BAG6: variants seen among roughly 807,000 people sequenced by gnomAD.
BAG6 encodes the protein BAG cochaperone 6.
BAG6 carries 22 observed loss-of-function variants against 121.0 expected under a neutral mutation model. The ratio of observed to expected loss-of-function variants is 0.18; its 90% CI spans 0.13 to 0.26. The LOEUF is 0.26. Ranked by LOEUF, BAG6 falls within the 10% of genes least tolerant of loss-of-function variation. The pLI is 1.00. For synonymous variants in BAG6, 583 were observed against 584.6 expected, an observed-to-expected ratio of 1.00 and a Z score of 0.04; for missense variants, 1,233 against 1,537.7, an observed-to-expected ratio of 0.80 and a Z score of 3.31.
intron 2 of BAG6, 85 bp from the exon 3 acceptor site, chr6:31,649,712 G>C: frequency 8.4e-7 from 1 of 1,187,794 alleles, no homozygotes; most frequent in Admixed American, 1.7e-5. Context: ...TGGAGGTGAG[G>C]GGTAAAAACC....
Position 31,643,984 on chromosome 6 carries a change from A to C in BAG6, c.1669-7T>G. 1 of 1,614,092 alleles carries C rather than the reference A, an allele frequency of 6.2e-7. No individual in the cohort carries two copies. Among genetic ancestry groups the C allele is most frequent in the Non-Finnish European group, 8.5e-7 (1 of 1,179,972 alleles). On this transcript the variant is annotated splice_region_variant and splice_polypyrimidine_tract_variant and intron_variant, in intron 13 of 25. Transcript: ENST00000676615. ...TACCCAGACCGGCGCCCTGCTGGATAGAGAGCAAGGGAGAATTTCAGACCT... is the reference window on the plus strand; with the variant it reads ...TACCCAGACCGGCGCCCTGCTGGATCGAGAGCAAGGGAGAATTTCAGACCT...
intron 15 of BAG6, 38 bp downstream of exon 15, chr6:31,642,791 G>T (rs534660309): frequency 1.2e-6 from 2 of 1,601,626 alleles, no homozygotes; most frequent in Non-Finnish European, 1.7e-6. Context: ...TGGGCCGGGG[G>T]ACAGGAAGAT....
Position 31,648,691 on chromosome 6 carries a change from G to A in BAG6, c.538C>T (p.Leu180=). ...QHMIRDIQTL[L]SRMECRGGPQ... is the part of the protein sequence containing the mutation. The stretch of plus-strand genomic sequence containing the variant: ...TGCCCACTTACCTCCATCCGGGATA[G>A]TAAGGTCTGTATATCCCTGATCATG... Residue 180 remains leucine (L), a synonymous_variant, in exon 6 of 26, where the codon CTA becomes TTA. Coordinates refer to ENST00000676615, the MANE Select transcript of BAG6 (RefSeq NM_001387994.1). 6.2e-7 allele frequency: 1 copy of A among 1,614,006 alleles called. No homozygotes were observed. The highest frequency in any genetic ancestry group is 8.5e-7 in the Non-Finnish European group (1 of 1,180,002).
At chr6:31,639,310 G>T in intron 25 of BAG6, 84 bp from the exon 26 acceptor site, 1 of 1,470,418 alleles carries the variant, frequency 6.8e-7, no homozygotes, top group Non-Finnish European at 9.4e-7. Flanking sequence ...TCCCTCAGAA[G>T]CTAACATTTC....
At position 31,639,693 on chromosome 6, in the gene BAG6, C is replaced by T. The variant is rs751191990; in HGVS notation, c.3247-47G>A. 2.4e-5 allele frequency: 37 copies of T among 1,568,184 alleles called. No individual in the cohort carries two copies. In the South Asian group the frequency reaches 2.5e-4, roughly 10 times the overall value. On this transcript the variant is annotated intron_variant, in intron 24 of 25. Coordinates refer to ENST00000676615, the MANE Select transcript of BAG6 (RefSeq NM_001387994.1). Reference sequence around the variant, plus strand: ...GGGAAAAGAGGATCAACGTCAGATCCAGTGCCACCATCCGGCTCACCCTTT... The same window carrying T: ...GGGAAAAGAGGATCAACGTCAGATCTAGTGCCACCATCCGGCTCACCCTTT...
In BAG6 at chr6:31,640,430, A is replaced by G. The variant is rs1781558342; in HGVS notation, c.3093T>C (p.Asp1031=). The part of the protein sequence containing the change: ...APEGGSRDEQ[D]GASAETEPWA... ...AAGGTTCTGTCTCAGCTGAAGCTCCATCCTGTTCATCCCGGGAGCCCCCCT... is the reference window on the plus strand; with the variant it reads ...AAGGTTCTGTCTCAGCTGAAGCTCCGTCCTGTTCATCCCGGGAGCCCCCCT... Residue 1031 remains aspartate, a synonymous_variant, in exon 23 of 26, where the codon GAT becomes GAC. Coordinates refer to ENST00000676615, the MANE Select transcript of BAG6 (RefSeq NM_001387994.1). The surrounding 1 kb of genome is among the most constrained non-coding windows in gnomAD (Gnocchi z 4.2). 6 of 1,613,886 alleles carry G rather than the reference A, an allele frequency of 3.7e-6. No homozygotes were observed. The highest frequency in any genetic ancestry group is 5.1e-6 in the Non-Finnish European group (6 of 1,180,034).
intron 2 of BAG6, among the ~76,000 whole-genome samples, chr6:31,649,951 A>C (rs1490248444): frequency 6.6e-6 from 1 of 151,938 alleles, no homozygotes; most frequent in Non-Finnish European, 1.5e-5. Flanking sequence ...AAAATACAAA[A>C]AAATAAGCCA....
chr6:31,646,832 G>A (rs1230266412), intron 7 of BAG6, among the ~76,000 whole-genome samples: 1 of 136,286 alleles, frequency 7.3e-6, no homozygotes, highest in Non-Finnish European at 1.5e-5. Flanking sequence ...GGAGTGCAGT[G>A]GTGCGACCTC....
chr6:31,639,963 T>C (rs1780942928), intron 24 of BAG6, among the ~76,000 whole-genome samples: 2 of 152,152 alleles, frequency 1.3e-5, no homozygotes, highest in African/African-American at 4.8e-5. Flanking sequence ...TCTAAGCACA[T>C]GGGGATTAGG....
chr6:31,648,538 A>C, intron 6 of BAG6, 139 bp downstream of exon 6: 2 of 792,650 alleles, frequency 2.5e-6, no homozygotes, highest in Non-Finnish European at 4.0e-6. Flanking sequence ...TTTTCTGCCC[A>C]AAAGAATGAA....
chr6:31,646,796 CAG>C (rs1275069855), intron 7 of BAG6, among the ~76,000 whole-genome samples: 5 of 92,188 alleles, frequency 5.4e-5, no homozygotes, highest in African/African-American at 2.0e-4. Context: ...TTTTTTGAGA[CAG>C]AGTCTCGCTC....
chr6:31,652,173 G>C (rs923688559), intron 1 of BAG6: 1 of 182,656 alleles, frequency 5.5e-6, no homozygotes, highest in African/African-American at 2.3e-5. Context: ...AAGTGGTTTC[G>C]CGCACGCGCG....
In BAG6 at chr6:31,647,872, CT is replaced by C. The variant is rs1791589423; in HGVS notation, c.553-47del. ...GGATACCAAAGGCAGGGTAAGACTG[CT>C]GCAGAGGATTACTCTACAGGAGACT... On this transcript the variant is annotated intron_variant, in intron 6 of 25. Transcript: ENST00000676615. 3 of 1,502,576 alleles carry C rather than the reference CT, an allele frequency of 2.0e-6. No individual in the cohort carries two copies. In the South Asian group the frequency reaches 4.2e-5, roughly 21 times the overall value. The allele number at this position is 1,502,576 out of a possible 1,614,324, so 93.1% of individuals were successfully genotyped here.
Position 31,647,668 on chromosome 6 carries a change from G to C in BAG6, c.711C>G (p.Ala237=), listed in dbSNP as rs1215438180. Residue 237 remains alanine, a synonymous_variant, in exon 7 of 26, where the codon GCC becomes GCG. Coordinates refer to ENST00000676615, the MANE Select transcript of BAG6 (RefSeq NM_001387994.1). ...PMEAEEVEER[A]PAQNPELTPG... is the part of the protein sequence containing the mutation. ...GAGTGAGCTCCGGGTTCTGGGCTGG[G>C]GCACGCTCCTCCACTTCTTCTGCCT... 1 of 1,604,724 alleles carries C rather than the reference G, an allele frequency of 6.2e-7. No individual in the cohort carries two copies. Among genetic ancestry groups the C allele is most frequent in the African/African-American group, 1.3e-5 (1 of 74,308 alleles).
intron 8 of BAG6, 87 bp downstream of exon 8, chr6:31,646,307 G>A (rs1789114645): frequency 8.5e-6 from 13 of 1,530,500 alleles, no homozygotes; most frequent in South Asian, 1.2e-5. Flanking sequence ...TTTTTCCAGG[G>A]AGGGAAAGAG....
rs771743964 is a variant in BAG6 at position 31,640,454 on chromosome 6, C to A, written c.3069G>T (p.Glu1023Asp). ...CATCCTGTTCATCCCGGGAGCCCCC[C>A]TCAGGAGCAGGAGGTGGACCTCGGG... ...AMSRGPPPAP[E>D]GGSRDEQDGA... Residue 1023 changes from glutamate to aspartate, a missense_variant, in exon 23 of 26, where the codon GAG becomes GAT. Coordinates refer to ENST00000676615, the MANE Select transcript of BAG6 (RefSeq NM_001387994.1). The surrounding 1 kb of genome is among the most constrained non-coding windows in gnomAD (Gnocchi z 4.2). 2.5e-6 allele frequency: 4 copies of A among 1,613,460 alleles called. No homozygotes were observed. The highest frequency in any genetic ancestry group is 2.7e-5 in the African/African-American group (2 of 74,932).
chr6:31,651,920 T>G lies in BAG6; in HGVS notation c.-13-144A>C, dbSNP rs572990195. ...TTCACACCTGTCCCCATCCCCCTTCTGATTCCGGGGCACAGGGAGAGAAAC... is the reference window on the plus strand; with the variant it reads ...TTCACACCTGTCCCCATCCCCCTTCGGATTCCGGGGCACAGGGAGAGAAAC... On this transcript the variant is annotated intron_variant, in intron 1 of 25. Coordinates refer to ENST00000676615, the MANE Select transcript of BAG6 (RefSeq NM_001387994.1). 27 of 572,200 alleles carry G rather than the reference T, an allele frequency of 4.7e-5. No homozygotes were observed. The South Asian group carries it at 4.7e-4, about 10-fold the overall frequency. 35.4% of individuals were successfully genotyped at this position (572,200 alleles called of 1,614,324 possible).
rs770195862 is a variant in BAG6 at position 31,647,765 on chromosome 6, G to A, written c.614C>T (p.Pro205Leu). ...QPPPQPPAVT[P>L]EPVALSSQTS... ...TTGAGAGCTCAAGGCTACTGGCTCC[G>A]GGGTCACAGCCGGTGGCTGCGGGGG... Residue 205 changes from proline to leucine, a missense_variant, in exon 7 of 26, where the codon CCG (proline) becomes CTG (leucine). Pro to Leu is a moderately conservative substitution (Grantham distance 98). Transcript: ENST00000676615. 28 of 1,600,300 alleles carry A rather than the reference G, an allele frequency of 1.7e-5. No individual in the cohort carries two copies. Among genetic ancestry groups the A allele is most frequent in the Non-Finnish European group, 2.3e-5 (27 of 1,174,852 alleles).
rs997554053 is a variant in BAG6 at position 31,639,053 on chromosome 6, C to A, written c.*78G>T. 9.5e-6 allele frequency: 12 copies of A among 1,264,338 alleles called. No individual in the cohort carries two copies. In the East Asian group the frequency reaches 2.5e-4, roughly 26 times the overall value. 78.3% of individuals were successfully genotyped at this position (1,264,338 alleles called of 1,614,324 possible). Reference sequence around the variant, plus strand: ...TAGAGAGAAAGCAGCCAGAAAAATCCGACTTTTATTTCTTAAATACTGTGA... The same window carrying A: ...TAGAGAGAAAGCAGCCAGAAAAATCAGACTTTTATTTCTTAAATACTGTGA... On this transcript the variant is annotated 3_prime_UTR_variant, in exon 26 of 26. Coordinates refer to ENST00000676615, the MANE Select transcript of BAG6 (RefSeq NM_001387994.1).
Sources: allele counts gnomAD v4.1 joint callset (sites outside exome capture counted in the v4.1 genomes callset), GRCh38; gene constraint gnomAD v4.1.1; non-coding constraint Gnocchi (gnomAD v3.1); transcripts MANE v1.5; gene names NCBI Gene and HGNC (gene_info 2026-07-23, HGNC 2026-07-21).